CADM2: variants seen among roughly 807,000 people sequenced by gnomAD.
CADM2 encodes the protein immunoglobulin superfamily member 4D.
A neutral mutation model predicts 49.8 loss-of-function variants in CADM2; 12 were observed. The observed-to-expected ratio is 0.24, with a 90% CI of 0.15 to 0.39. The LOEUF (loss-of-function observed/expected upper bound fraction) is 0.39. Among genes scored for constraint, CADM2 ranks in the 10% least tolerant of loss-of-function variants. CADM2 has a pLI of 1.00. For missense variants in CADM2, 378 were observed against 492.3 expected (o/e 0.77, Z 2.20); for synonymous variants, 214 against 175.4 (o/e 1.22, Z -1.74).
At position 85,854,814 on chromosome 3, in the gene CADM2, CG is replaced by C. The variant is rs2075245523; in HGVS notation, c.239-28474del. Among the ~76,000 whole-genome samples the C allele has an allele frequency of 2.6e-5, 4 of 152,012 alleles. No individual in the cohort carries two copies. In the South Asian group the frequency reaches 8.3e-4, roughly 31 times the overall value. ...TTAAAAACCACACAAAAAAATAATG[CG>C]GGTATGTGTGTCATGTCTCTAACTC... On this transcript the variant is annotated intron_variant, in intron 3 of 9. Coordinates refer to ENST00000383699, the MANE Select transcript of CADM2 (RefSeq NM_001167675.2).
intron 1 of CADM2, among the ~76,000 whole-genome samples, chr3:85,430,768 CTTG>C (rs901725673): frequency 1.3e-5 from 2 of 152,052 alleles, no homozygotes; most frequent in South Asian, 2.1e-4. Context: ...AGGATATATA[CTTG>C]TTGTTGTACT....
At chr3:85,405,112 A>T (rs77276761) in intron 1 of CADM2, among the ~76,000 whole-genome samples, 5 of 152,304 alleles carry the variant, frequency 3.3e-5, no homozygotes, top group African/African-American at 1.2e-4. Context: ...AATACTGTGA[A>T]GAACTTGAGA....
intron 1 of CADM2, among the ~76,000 whole-genome samples, chr3:85,400,628 C>G (rs1162033354): frequency 1.3e-5 from 2 of 152,034 alleles, no homozygotes; most frequent in Admixed American, 1.3e-4. Flanking sequence ...AATTTCAGAG[C>G]CTGTTATTGG....
intron 8 of CADM2, among the ~76,000 whole-genome samples, chr3:86,056,078 G>A (rs920255118): frequency 6.6e-6 from 1 of 152,126 alleles, no homozygotes; most frequent in Non-Finnish European, 1.5e-5. Flanking sequence ...TGATCACCTA[G>A]ATAGCCTTTA....
intron 2 of CADM2, among the ~76,000 whole-genome samples, chr3:85,791,544 A>AGAG (rs2071330706): frequency 3.0e-5 from 3 of 99,944 alleles, no homozygotes; most frequent in African/African-American, 1.1e-4. Flanking sequence ...GAGAGAGAGA[A>AGAG]AGAGAGAGAG....
rs151237213 is a variant in CADM2 at position 85,798,155 on chromosome 3, A to T, written c.89-3892A>T. ...GTAAATTTGTTTAAGTTCCTGGTAG[A>T]TTCAGGATATTAGACCTTTGTCAGA... On this transcript the variant is annotated intron_variant, in intron 2 of 9. Coordinates refer to ENST00000383699, the MANE Select transcript of CADM2 (RefSeq NM_001167675.2). 3.1e-3 allele frequency among the ~76,000 whole-genome samples: 478 copies of T among 152,222 alleles called. 1 individual carries two copies. Among genetic ancestry groups the T allele is most frequent in the African/African-American group, 0.011 (460 of 41,526 alleles).
At chr3:85,335,517 T>C (rs558715127) in intron 1 of CADM2, among the ~76,000 whole-genome samples, 1 of 151,628 alleles carries the variant, frequency 6.6e-6, no homozygotes, top group South Asian at 2.1e-4. Flanking sequence ...ATGAACAAAT[T>C]GGAATTATTA....
intron 1 of CADM2, among the ~76,000 whole-genome samples, chr3:85,364,256 A>G (rs2032581493): frequency 6.6e-6 from 1 of 152,168 alleles, no homozygotes; most frequent in African/African-American, 2.4e-5. Flanking sequence ...TTTCTATAGC[A>G]TGTTTATTTT....
chr3:84,989,868 A>G (rs1219461299), intron 1 of CADM2, among the ~76,000 whole-genome samples: 1 of 151,964 alleles, frequency 6.6e-6, no homozygotes, highest in African/African-American at 2.4e-5. Flanking sequence ...AACCCATATC[A>G]TTCTTCCACC....
chr3:85,067,062 T>C (rs1559643400), intron 1 of CADM2, among the ~76,000 whole-genome samples: 2 of 152,202 alleles, frequency 1.3e-5, no homozygotes, highest in Non-Finnish European at 2.9e-5. Context: ...TTAAGTAGGC[T>C]TTAAAAATTT....
intron 8 of CADM2, among the ~76,000 whole-genome samples, chr3:85,994,890 T>A: frequency 6.6e-6 from 1 of 151,966 alleles, no homozygotes; most frequent in South Asian, 2.1e-4. Context: ...ATAGTAATGA[T>A]GAAAGCTTGA....
At chr3:86,066,494 T>G (rs1387208812) in intron 9 of CADM2, among the ~76,000 whole-genome samples, 171 bp from the exon 10 acceptor site, 1 of 152,146 alleles carries the variant, frequency 6.6e-6, no homozygotes, top group Admixed American at 6.5e-5. Flanking sequence ...TAACTTCACC[T>G]GCAGCGTACC....
intron 1 of CADM2, among the ~76,000 whole-genome samples, chr3:85,215,046 G>A (rs193094455): frequency 9.2e-5 from 14 of 152,022 alleles, no homozygotes; most frequent in Admixed American, 2.0e-4. Flanking sequence ...CATGGCCACC[G>A]TAGCTAAGAA....
At chr3:85,572,954 A>G (rs551382092) in intron 1 of CADM2, among the ~76,000 whole-genome samples, 1 of 152,234 alleles carries the variant, frequency 6.6e-6, no homozygotes, top group East Asian at 1.9e-4. Context: ...CTTAATCCAG[A>G]CAAGTTAACA....
intron 1 of CADM2, among the ~76,000 whole-genome samples, chr3:84,991,173 A>G (rs9836888): frequency 0.42 from 64,271 of 151,896 alleles, 13,894 homozygotes; most frequent in African/African-American, 0.48. Context: ...CCAGTATTTC[A>G]GATCTTGATA....
chr3:85,228,928 G>A (rs1036335044), intron 1 of CADM2, among the ~76,000 whole-genome samples: 17 of 152,130 alleles, frequency 1.1e-4, no homozygotes, highest in African/African-American at 3.4e-4. Context: ...CCACAGGTCC[G>A]CCTTTCCCCA....
intron 2 of CADM2, among the ~76,000 whole-genome samples, chr3:85,765,718 A>AT (rs921591871): frequency 1.6e-4 from 24 of 151,008 alleles, no homozygotes; most frequent in African/African-American, 4.4e-4. Flanking sequence ...TTTTTACTTG[A>AT]TTTTTTCATT....
chr3:85,782,371 G>A (rs999487038), intron 2 of CADM2, among the ~76,000 whole-genome samples: 1 of 152,046 alleles, frequency 6.6e-6, no homozygotes, highest in Non-Finnish European at 1.5e-5. Context: ...TAGTTTCAGA[G>A]GCTAAGAAAT....
At chr3:85,632,737 C>A (rs1249862002) in intron 1 of CADM2, among the ~76,000 whole-genome samples, 1 of 151,934 alleles carries the variant, frequency 6.6e-6, no homozygotes, top group Non-Finnish European at 1.5e-5. Flanking sequence ...GTGCCTATGA[C>A]AAGCCCAACT....
Sources: allele counts gnomAD v4.1 joint callset (sites outside exome capture counted in the v4.1 genomes callset), GRCh38; gene constraint gnomAD v4.1.1; transcripts MANE v1.5; gene names NCBI Gene and HGNC (gene_info 2026-07-23, HGNC 2026-07-21).